EFNA5: variants seen among roughly 807,000 people sequenced by gnomAD.
EFNA5 encodes the protein ephrin-A5.
A neutral mutation model predicts 22.9 loss-of-function variants in EFNA5; 5 were observed. The ratio of observed to expected loss-of-function variants is 0.22; its 90% confidence interval spans 0.11 to 0.46. The LOEUF is 0.46. EFNA5 is among the 20% of genes least tolerant of loss of function. The probability of loss-of-function intolerance (pLI) is 0.99; values close to 1 mark genes in which losing one functional copy is unlikely to be tolerated. For missense variants in EFNA5, 237 were observed against 293.3 expected (o/e 0.81, Z 1.40); for synonymous variants, 113 against 112.2 (o/e 1.01, Z -0.04).
chr5:107,633,086 A>C (rs1237628421), intron 1 of EFNA5, among the ~76,000 whole-genome samples: 1 of 152,114 alleles, frequency 6.6e-6, no homozygotes, highest in East Asian at 1.9e-4. Context: ...GTCCTTCAGT[A>C]GTCTAAATTG....
chr5:107,494,404 G>A (rs1746910438), intron 1 of EFNA5, among the ~76,000 whole-genome samples: 1 of 152,224 alleles, frequency 6.6e-6, no homozygotes, highest in Admixed American at 6.5e-5. Context: ...GGCTGCGGAG[G>A]GTGTACTGGG....
chr5:107,395,423 T>C (rs1389435440), intron 2 of EFNA5, among the ~76,000 whole-genome samples: 2 of 152,202 alleles, frequency 1.3e-5, no homozygotes, highest in East Asian at 1.9e-4. Flanking sequence ...CTGTCAGTCA[T>C]GTGAGTGGGG....
chr5:107,622,981 A>ACTGCAGTC (rs1750069107), intron 1 of EFNA5, among the ~76,000 whole-genome samples: 2 of 129,832 alleles, frequency 1.5e-5, no homozygotes, highest in African/African-American at 5.8e-5. Flanking sequence ...AGATTGCGCC[A>ACTGCAGTC]CTGCAGTCCG....
intron 2 of EFNA5, among the ~76,000 whole-genome samples, chr5:107,405,139 T>A (rs774606938): frequency 2.1e-4 from 32 of 152,218 alleles, no homozygotes; most frequent in Non-Finnish European, 3.2e-4. Flanking sequence ...ATACTCGCCA[T>A]GAAAGAAGAC....
At chr5:107,521,478 T>TATA (rs1561421052) in intron 1 of EFNA5, among the ~76,000 whole-genome samples, 18 of 107,100 alleles carry the variant, frequency 1.7e-4, no homozygotes, top group Non-Finnish European at 2.8e-4. Context: ...ATATATATAT[T>TATA]TTTTTTTTTT....
chr5:107,527,938 T>G (rs552951144), intron 1 of EFNA5, among the ~76,000 whole-genome samples: 4 of 152,232 alleles, frequency 2.6e-5, no homozygotes, highest in Admixed American at 2.6e-4. Context: ...CCCCCAGAAA[T>G]AGAAGTTATC....
intron 1 of EFNA5, among the ~76,000 whole-genome samples, chr5:107,579,037 C>T (rs1449904795): frequency 1.3e-5 from 2 of 152,090 alleles, no homozygotes; most frequent in African/African-American, 4.8e-5. Context: ...CCACATGAAG[C>T]ACACTGTGGC....
intron 2 of EFNA5, among the ~76,000 whole-genome samples, chr5:107,405,585 AC>A (rs989627752): frequency 1.3e-5 from 2 of 152,178 alleles, no homozygotes; most frequent in Non-Finnish European, 2.9e-5. Context: ...GCCAAAAATT[AC>A]TTACTTTAAC....
At chr5:107,602,478 T>C (rs1386424298) in intron 1 of EFNA5, among the ~76,000 whole-genome samples, 3 of 152,278 alleles carry the variant, frequency 2.0e-5, no homozygotes, top group Middle Eastern at 3.4e-3. Flanking sequence ...TTGCTTCTCA[T>C]TTTTTGGCCA....
intron 1 of EFNA5, among the ~76,000 whole-genome samples, chr5:107,519,103 C>A (rs1747542228): frequency 3.9e-5 from 6 of 152,194 alleles, no homozygotes; most frequent in Admixed American, 3.9e-4. Flanking sequence ...TCCAGAGACA[C>A]AAAGGTAGTT....
chr5:107,492,842 T>TA (rs1285455458), intron 1 of EFNA5, among the ~76,000 whole-genome samples: 1 of 151,964 alleles, frequency 6.6e-6, no homozygotes, highest in Non-Finnish European at 1.5e-5. Context: ...CTACTAAAAA[T>TA]ACAAAAATTA....
At chr5:107,476,587 A>C (rs1458366264) in intron 1 of EFNA5, among the ~76,000 whole-genome samples, 3 of 152,122 alleles carry the variant, frequency 2.0e-5, no homozygotes, top group Admixed American at 1.3e-4. Context: ...GGGATATCTG[A>C]CAGAATTTGG....
At chr5:107,567,059 T>C (rs1393924414) in intron 1 of EFNA5, among the ~76,000 whole-genome samples, 7 of 152,332 alleles carry the variant, frequency 4.6e-5, no homozygotes, top group Admixed American at 2.6e-4. Context: ...CTTGAACTTT[T>C]AAAAAATGTT....
At chr5:107,468,871 A>G (rs1750063504) in intron 1 of EFNA5, among the ~76,000 whole-genome samples, 1 of 152,206 alleles carries the variant, frequency 6.6e-6, no homozygotes, top group African/African-American at 2.4e-5. Context: ...ACTAAATGAC[A>G]TTTTTTAAAA....
At chr5:107,406,128 A>AAT (rs1304570914) in intron 2 of EFNA5, among the ~76,000 whole-genome samples, 1 of 144,606 alleles carries the variant, frequency 6.9e-6, no homozygotes, top group African/African-American at 2.5e-5. Context: ...ATATACATAG[A>AAT]ATGTATACAA....
intron 1 of EFNA5, among the ~76,000 whole-genome samples, chr5:107,431,498 G>T (rs112032674): frequency 2.0e-5 from 3 of 152,064 alleles, no homozygotes; most frequent in African/African-American, 7.2e-5. Context: ...ACGATGCCAC[G>T]GAATAGCCAC....
chr5:107,507,176 G>A (rs1044416116), intron 1 of EFNA5, among the ~76,000 whole-genome samples: 1 of 152,140 alleles, frequency 6.6e-6, no homozygotes, highest in Non-Finnish European at 1.5e-5. Flanking sequence ...AAGGACATTA[G>A]AAGTAATCTA....
At chr5:107,664,379 A>T (rs1751027127) in intron 1 of EFNA5, among the ~76,000 whole-genome samples, 1 of 152,200 alleles carries the variant, frequency 6.6e-6, no homozygotes, top group African/African-American at 2.4e-5. Flanking sequence ...GACAAATTTA[A>T]GAGGAAATAA....
At position 107,572,307 on chromosome 5, in the gene EFNA5, G is replaced by A. The variant is rs575522479; in HGVS notation, c.125+98182C>T. Among the ~76,000 whole-genome samples, 16 of 152,284 alleles carry A rather than the reference G, an allele frequency of 1.1e-4. No individual in the cohort carries two copies. The South Asian group carries it at 3.3e-3, about 32-fold the overall frequency. ...GGAGCTCTGGCAGAGCGAGTCCCTTGTAAAGCACACAATGGGAGCAAAGGG... is the reference window on the plus strand; with the variant it reads ...GGAGCTCTGGCAGAGCGAGTCCCTTATAAAGCACACAATGGGAGCAAAGGG... On this transcript the variant is annotated intron_variant, in intron 1 of 4. Coordinates refer to ENST00000333274, the MANE Select transcript of EFNA5 (RefSeq NM_001962.3).
Sources: allele counts gnomAD v4.1 joint callset (sites outside exome capture counted in the v4.1 genomes callset), GRCh38; gene constraint gnomAD v4.1.1; transcripts MANE v1.5; gene names NCBI Gene and HGNC (gene_info 2026-07-23, HGNC 2026-07-21).